MUCL1: variants seen among roughly 807,000 people sequenced by gnomAD.
MUCL1 encodes mucin-like protein 1.
Under a neutral mutation model 9.2 loss-of-function variants are expected in MUCL1, and 11 were observed. That is an observed-to-expected ratio of 1.19 (90% confidence interval 0.75 to 1.97). The LOEUF (loss-of-function observed/expected upper bound fraction) is 1.97, where lower values mean the gene tolerates loss of function less well. MUCL1 is among the 30% of genes most tolerant of loss of function. The pLI, the probability that MUCL1 is intolerant of heterozygous loss-of-function variation, is 0.00. For missense variants in MUCL1, 144 were observed against 110.9 expected (o/e 1.30, Z -1.34); for synonymous variants, 48 against 40.5 (o/e 1.19, Z -0.71).
chr12:54,854,023 A>G (rs551014244), upstream of MUCL1, among the ~76,000 whole-genome samples: 1 of 152,172 alleles, frequency 6.6e-6, no homozygotes, highest in Non-Finnish European at 1.5e-5. Flanking sequence ...CAGATGACCT[A>G]ATTACATGTT....
intron 3 of MUCL1, 130 bp from the exon 4 acceptor site, chr12:54,858,063 C>T (rs1182218791): frequency 4.5e-6 from 5 of 1,108,650 alleles, no homozygotes; most frequent in South Asian, 2.7e-5. Flanking sequence ...AATAACAATC[C>T]CATGTTCCTT....
At chr12:54,840,032 T>C (rs1486681562) in intron 1 of MUCL1, among the ~76,000 whole-genome samples, 1 of 151,100 alleles carries the variant, frequency 6.6e-6, no homozygotes, top group Non-Finnish European at 1.5e-5. Context: ...GAATTCCCCC[T>C]GCCCCTGGAA....
upstream of MUCL1, among the ~76,000 whole-genome samples, chr12:54,835,351 G>T (rs1161129520): frequency 2.0e-5 from 3 of 152,062 alleles, no homozygotes; most frequent in African/African-American, 4.8e-5. Flanking sequence ...CATAGAGGTT[G>T]TACTAATTTA....
At chr12:54,831,932 A>G (rs1318018455) in intron 1 of MUCL1, among the ~76,000 whole-genome samples, 1 of 152,118 alleles carries the variant, frequency 6.6e-6, no homozygotes, top group African/African-American at 2.4e-5. Flanking sequence ...ATGGTTAAAC[A>G]TTACAATTAA....
intron 1 of MUCL1, among the ~76,000 whole-genome samples, chr12:54,842,966 T>A (rs1016345226): frequency 1.3e-5 from 2 of 152,174 alleles, no homozygotes; most frequent in Non-Finnish European, 1.5e-5. Flanking sequence ...TTTAGACACA[T>A]AAATATTCCC....
intron 1 of MUCL1, among the ~76,000 whole-genome samples, chr12:54,833,106 G>C (rs1334558636): frequency 6.6e-6 from 1 of 151,950 alleles, no homozygotes; most frequent in African/African-American, 2.4e-5. Flanking sequence ...TTGCTCATTT[G>C]ACTTTCCTTA....
intron 1 of MUCL1, among the ~76,000 whole-genome samples, chr12:54,847,976 C>G (rs1274746889): frequency 6.6e-6 from 1 of 151,848 alleles, no homozygotes; most frequent in Admixed American, 6.6e-5. Flanking sequence ...GTACTAACAG[C>G]AAATCCTGTT....
chr12:54,831,766 A>C (rs1185171492), intron 1 of MUCL1, among the ~76,000 whole-genome samples: 1 of 152,118 alleles, frequency 6.6e-6, no homozygotes, highest in East Asian at 1.9e-4. Flanking sequence ...AATTTTTGTC[A>C]CATTGAAAAA....
At chr12:54,849,804 C>T (rs1020492842), upstream of MUCL1, among the ~76,000 whole-genome samples, 4 of 151,726 alleles carry the variant, frequency 2.6e-5, no homozygotes, top group Admixed American at 2.6e-4. Flanking sequence ...ATTTTAGATC[C>T]CTCTTAAAGT....
At chr12:54,837,346 T>G (rs756860836), upstream of MUCL1, among the ~76,000 whole-genome samples, 15 of 152,122 alleles carry the variant, frequency 9.9e-5, no homozygotes, top group Non-Finnish European at 1.8e-4. Flanking sequence ...TTTTTTTGGG[T>G]TTTTATGTTT....
chr12:54,845,829 T>C (rs1959245831), intron 1 of MUCL1, among the ~76,000 whole-genome samples: 1 of 152,190 alleles, frequency 6.6e-6, no homozygotes, highest in African/African-American at 2.4e-5. Context: ...TCAATTTTAG[T>C]AAATTTAACA....
chr12:54,852,441 T>C (rs1007285889), upstream of MUCL1, among the ~76,000 whole-genome samples: 10 of 152,094 alleles, frequency 6.6e-5, no homozygotes. Flanking sequence ...TGCTGGGAAA[T>C]CTGGCTAGCC....
intron 1 of MUCL1, among the ~76,000 whole-genome samples, chr12:54,842,862 A>T (rs1053145081): frequency 1.3e-5 from 2 of 152,170 alleles, no homozygotes; most frequent in African/African-American, 4.8e-5. Flanking sequence ...ACCATGCAAC[A>T]GTGCTTTGGT....
At chr12:54,837,670 G>A (rs563651191), upstream of MUCL1, among the ~76,000 whole-genome samples, 58 of 152,312 alleles carry the variant, frequency 3.8e-4, no homozygotes, top group African/African-American at 1.3e-3. Flanking sequence ...TCGGGAGGCT[G>A]AGGCAGGAGA....
intron 1 of MUCL1, among the ~76,000 whole-genome samples, chr12:54,842,275 G>C (rs1959216049): frequency 6.6e-6 from 1 of 151,672 alleles, no homozygotes; most frequent in Non-Finnish European, 1.5e-5. Flanking sequence ...AATTCTAGTT[G>C]TTTGCTGCAT....
At chr12:54,833,717 A>G (rs559066374) in intron 1 of MUCL1, among the ~76,000 whole-genome samples, 3 of 152,032 alleles carry the variant, frequency 2.0e-5, no homozygotes, top group East Asian at 1.9e-4. Flanking sequence ...AAACTATTGC[A>G]AGGACAAAAA....
chr12:54,858,078 A>G, intron 3 of MUCL1, 115 bp from the exon 4 acceptor site: 1 of 1,252,194 alleles, frequency 8.0e-7, no homozygotes. Context: ...TTCCTTTCGA[A>G]TCCCCTGAGT....
At chr12:54,850,932 G>A (rs909460173), upstream of MUCL1, among the ~76,000 whole-genome samples, 7 of 152,102 alleles carry the variant, frequency 4.6e-5, no homozygotes, top group African/African-American at 1.2e-4. Context: ...ATTTTTTCAT[G>A]CGTTTTTTGG....
At chr12:54,847,209 G>A (rs1284726871) in intron 1 of MUCL1, among the ~76,000 whole-genome samples, 2 of 152,100 alleles carry the variant, frequency 1.3e-5, no homozygotes, top group Admixed American at 6.5e-5. Flanking sequence ...AGAAGTAACC[G>A]AGTGCCGGGC....
Sources: allele counts gnomAD v4.1 joint callset (sites outside exome capture counted in the v4.1 genomes callset), GRCh38; gene constraint gnomAD v4.1.1; transcripts MANE v1.5; gene names NCBI Gene and HGNC (gene_info 2026-07-23, HGNC 2026-07-21).